RAPGEF2: variants seen among roughly 807,000 people sequenced by gnomAD.
RAPGEF2 encodes the protein Rap guanine nucleotide exchange factor 2.
In RAPGEF2, 54 loss-of-function variants were observed where a neutral mutation model predicts 186.7. The ratio of observed to expected loss-of-function variants is 0.29; its 90% CI spans 0.23 to 0.36. The LOEUF (loss-of-function observed/expected upper bound fraction) is 0.36. RAPGEF2 is among the 10% of genes least tolerant of loss of function. The pLI is 1.00. For synonymous variants in RAPGEF2, 712 were observed against 705.9 expected (o/e 1.01, Z -0.14); for missense variants, 1,532 against 2,045.0 (o/e 0.75, Z 4.84).
At chr4:159,107,134 A>G (rs777899632) in intron 1 of RAPGEF2, among the ~76,000 whole-genome samples, 3 of 152,182 alleles carry the variant, frequency 2.0e-5, no homozygotes, top group Non-Finnish European at 2.9e-5. Flanking sequence ...GTTCTAGTCA[A>G]TGGGGCATTG....
intron 1 of RAPGEF2, among the ~76,000 whole-genome samples, chr4:159,174,147 G>T (rs1025512316): frequency 6.6e-6 from 1 of 152,134 alleles, no homozygotes; most frequent in Non-Finnish European, 1.5e-5. Context: ...ATGAAAAATC[G>T]TAACTTAACA....
At chr4:159,208,126 T>C (rs1483362071) in intron 3 of RAPGEF2, among the ~76,000 whole-genome samples, 4 of 151,260 alleles carry the variant, frequency 2.6e-5, no homozygotes, top group Non-Finnish European at 5.9e-5. Flanking sequence ...ATGAATTTGG[T>C]GAAGAATGGA....
intron 8 of RAPGEF2, among the ~76,000 whole-genome samples, chr4:159,307,392 A>G (rs1227141169): frequency 6.6e-6 from 1 of 152,170 alleles, no homozygotes; most frequent in South Asian, 2.1e-4. Context: ...CCTCCTCATC[A>G]CATACACACA....
chr4:159,356,244 C>T, intron 29 of RAPGEF2, 86 bp downstream of exon 29: 3 of 1,326,322 alleles, frequency 2.3e-6, no homozygotes, highest in Non-Finnish European at 3.1e-6. Flanking sequence ...TCTCTTAACA[C>T]TGCAGTCAGC....
In RAPGEF2 at chr4:159,141,439, G is replaced by C. The variant is rs1742320826; in HGVS notation, c.69+37208G>C. 2.6e-5 allele frequency among the ~76,000 whole-genome samples: 4 copies of C among 152,042 alleles called. No individual in the cohort carries two copies. The South Asian group carries it at 6.2e-4, about 24-fold the overall frequency. ...AGCAGTCCCGAAGGATGAACATTTA[G>C]CTTGTTTCTGGATTCCATGTCCCCT... is the stretch of plus-strand genomic sequence containing the variant. On this transcript the variant is annotated intron_variant, in intron 1 of 29. Coordinates refer to ENST00000691494, the MANE Select transcript of RAPGEF2 (RefSeq NM_001394067.2).
intron 1 of RAPGEF2, among the ~76,000 whole-genome samples, chr4:159,162,362 C>T (rs952190061): frequency 2.0e-5 from 3 of 150,030 alleles, no homozygotes; most frequent in Admixed American, 6.6e-5. Flanking sequence ...ACACTGCACT[C>T]CAGCCTGGAT....
At chr4:159,238,360 T>G (rs531386273) in intron 4 of RAPGEF2, among the ~76,000 whole-genome samples, 1 of 152,182 alleles carries the variant, frequency 6.6e-6, no homozygotes, top group Non-Finnish European at 1.5e-5. Context: ...TAAACACACT[T>G]TTTAGGTGAA....
chr4:159,272,721 CTATAGAAGA>C (rs1298831950), intron 7 of RAPGEF2, among the ~76,000 whole-genome samples: 1 of 152,034 alleles, frequency 6.6e-6, no homozygotes, highest in Non-Finnish European at 1.5e-5. Flanking sequence ...AGGCAGGAAA[CTATAGAAGA>C]ATATGAGGGT....
At chr4:159,133,415 A>G (rs549610211) in intron 1 of RAPGEF2, among the ~76,000 whole-genome samples, 1 of 151,050 alleles carries the variant, frequency 6.6e-6, no homozygotes, top group Non-Finnish European at 1.5e-5. Flanking sequence ...GTAAAGTTGT[A>G]TGAATTTTTT....
At chr4:159,224,557 G>A (rs1166031512) in intron 4 of RAPGEF2, among the ~76,000 whole-genome samples, 2 of 152,204 alleles carry the variant, frequency 1.3e-5, no homozygotes, top group African/African-American at 4.8e-5. Context: ...GATGGGCAAA[G>A]TACTGAGTCC....
intron 1 of RAPGEF2, among the ~76,000 whole-genome samples, chr4:159,116,057 C>A (rs958177679): frequency 6.6e-6 from 1 of 152,094 alleles, no homozygotes; most frequent in African/African-American, 2.4e-5. Flanking sequence ...ACGTCAAAAG[C>A]AATTGCAGCA....
intron 2 of RAPGEF2, 65 bp from the exon 3 acceptor site, chr4:159,193,135 G>A (rs905953723): frequency 3.3e-6 from 3 of 905,300 alleles, no homozygotes; most frequent in African/African-American, 3.4e-5. Context: ...GTCATTTAAG[G>A]GTTTAAAATA....
intron 9 of RAPGEF2, among the ~76,000 whole-genome samples, chr4:159,319,769 GT>G (rs1282555803): frequency 1.1e-4 from 16 of 146,232 alleles, no homozygotes; most frequent in Admixed American, 1.4e-4. Flanking sequence ...CTATCCTGTG[GT>G]TTTTTTTTTA....
At chr4:159,307,052 C>G (rs542034902) in intron 8 of RAPGEF2, among the ~76,000 whole-genome samples, 60 of 152,172 alleles carry the variant, frequency 3.9e-4, no homozygotes, top group Non-Finnish European at 6.9e-4. Flanking sequence ...CTTATTTGGC[C>G]TTCAAATACA....
At chr4:159,234,143 G>A (rs1051181797) in intron 4 of RAPGEF2, among the ~76,000 whole-genome samples, 2 of 151,944 alleles carry the variant, frequency 1.3e-5, no homozygotes, top group African/African-American at 4.8e-5. Context: ...GTATTTGATA[G>A]TGTTGAGTCC....
chr4:159,271,523 T>C (rs1758129492), intron 7 of RAPGEF2, among the ~76,000 whole-genome samples: 1 of 152,212 alleles, frequency 6.6e-6, no homozygotes, highest in Admixed American at 6.5e-5. Context: ...TATTACCTTT[T>C]TACATATGAG....
chr4:159,193,866 A>G (rs1748362526), intron 3 of RAPGEF2, among the ~76,000 whole-genome samples: 1 of 152,206 alleles, frequency 6.6e-6, no homozygotes, highest in Non-Finnish European at 1.5e-5. Context: ...CTGGTTTTCA[A>G]AGCACTTACT....
intron 7 of RAPGEF2, among the ~76,000 whole-genome samples, chr4:159,297,906 C>T (rs1264808728): frequency 6.6e-6 from 1 of 152,154 alleles, no homozygotes; most frequent in Non-Finnish European, 1.5e-5. Context: ...AACTGAGGTA[C>T]ACAGAAGTTA....
At chr4:159,141,392 T>A (rs1742313181) in intron 1 of RAPGEF2, among the ~76,000 whole-genome samples, 2 of 152,148 alleles carry the variant, frequency 1.3e-5, no homozygotes, top group African/African-American at 4.8e-5. Context: ...AGTATTCCCC[T>A]GGATACCTCA....
Sources: gnomAD v4.1 joint callset for allele counts (sites outside exome capture counted in the v4.1 genomes callset) on GRCh38, gnomAD v4.1.1 for gene constraint, MANE v1.5 for transcripts, NCBI Gene and HGNC (gene_info 2026-07-23, HGNC 2026-07-21) for gene names.